USO1: variants seen among roughly 807,000 people sequenced by gnomAD.
USO1 encodes the protein general vesicular transport factor p115.
USO1 carries 57 observed loss-of-function variants against 124.5 expected under a neutral mutation model. That is an observed-to-expected ratio of 0.46 (90% CI 0.37 to 0.57). The LOEUF (loss-of-function observed/expected upper bound fraction) is 0.57. Among genes scored for constraint, USO1 ranks in the 20% least tolerant of loss-of-function variants. USO1 has a pLI of 0.00. For missense variants in USO1, 900 were observed against 1,040.6 expected (o/e 0.86, Z 1.86); for synonymous variants, 369 against 362.8 (o/e 1.02, Z -0.19).
intron 1 of USO1, among the ~76,000 whole-genome samples, chr4:75,731,561 CAAA>C (rs35766448): frequency 2.9e-5 from 4 of 138,212 alleles, no homozygotes; most frequent in Non-Finnish European, 1.6e-5. Context: ...GACTCCGTCT[CAAA>C]AAAAAAAAAA....
intron 1 of USO1, among the ~76,000 whole-genome samples, chr4:75,729,698 A>G (rs1345976853): frequency 6.6e-6 from 1 of 152,174 alleles, no homozygotes; most frequent in East Asian, 1.9e-4. Flanking sequence ...AGTGTTAACT[A>G]CATTTGATGA....
At chr4:75,732,358 C>T (rs1720655691) in intron 1 of USO1, among the ~76,000 whole-genome samples, 1 of 152,174 alleles carries the variant, frequency 6.6e-6, no homozygotes, top group Non-Finnish European at 1.5e-5. Context: ...TTCATGTCGA[C>T]ATAGTATTCC....
chr4:75,775,455 C>T (rs1434976453), intron 8 of USO1, among the ~76,000 whole-genome samples: 2 of 152,144 alleles, frequency 1.3e-5, no homozygotes, highest in East Asian at 3.9e-4. Context: ...ACGAGAATCA[C>T]TTGAACCCGG....
At chr4:75,762,915 G>A (rs562641146) in intron 4 of USO1, among the ~76,000 whole-genome samples, 9 of 152,334 alleles carry the variant, frequency 5.9e-5, no homozygotes, top group South Asian at 2.1e-4. Flanking sequence ...GCGACAGTGC[G>A]AGACTCCGTC....
At chr4:75,787,902 C>A (rs1722407839) in intron 10 of USO1, among the ~76,000 whole-genome samples, 1 of 151,908 alleles carries the variant, frequency 6.6e-6, no homozygotes, top group Non-Finnish European at 1.5e-5. Flanking sequence ...TTTTTCTCAT[C>A]CATGAGTTGT....
In USO1 at chr4:75,724,604, C is replaced by T; in HGVS notation, c.-216C>T. 1.8e-6 allele frequency: 1 copy of T among 567,380 alleles called. No homozygotes were observed. The highest frequency in any genetic ancestry group is 3.1e-6 in the Non-Finnish European group (1 of 318,266). 35.1% of individuals were successfully genotyped at this position (567,380 alleles called of 1,614,324 possible). ...CTTTTGCCTTCAACCTTCGAGCCGC[C>T]ACGTAATGCCACGTCCCCGCGCATG... On this transcript the variant is annotated 5_prime_UTR_variant, in exon 1 of 24. Transcript: ENST00000514213.
chr4:75,766,535 C>T (rs1021020971), intron 4 of USO1, among the ~76,000 whole-genome samples: 1 of 152,152 alleles, frequency 6.6e-6, no homozygotes, highest in Non-Finnish European at 1.5e-5. Context: ...TCTTAAACTG[C>T]ACGAGGAGGT....
intron 4 of USO1, among the ~76,000 whole-genome samples, chr4:75,762,453 C>T (rs1230911661): frequency 6.6e-6 from 1 of 151,656 alleles, no homozygotes; most frequent in Non-Finnish European, 1.5e-5. Flanking sequence ...TGAGCCACCA[C>T]GCCCAGCCAG....
In USO1 at chr4:75,770,848, T is replaced by G. The variant is rs745351069; in HGVS notation, c.423T>G (p.Pro141=). Residue 141 remains proline, a synonymous_variant, in exon 6 of 24, where the codon CCT becomes CCG. Transcript: ENST00000514213. Reference sequence around the variant, plus strand: ...AGTTTGATTTCCATGTCCGCTGGCCTGGTGTGAAGCTTCTTACTTCTCTTT... The same window carrying G: ...AGTTTGATTTCCATGTCCGCTGGCCGGGTGTGAAGCTTCTTACTTCTCTTT... ...LEEFDFHVRW[P]GVKLLTSLLK... 6.2e-7 allele frequency: 1 copy of G among 1,613,380 alleles called. No homozygotes were observed. Among genetic ancestry groups the G allele is most frequent in the Non-Finnish European group, 8.5e-7 (1 of 1,179,688 alleles).
intron 1 of USO1, chr4:75,745,437 TTCGCAACAGATAC>T: frequency 2.0e-6 from 1 of 492,042 alleles, no homozygotes; most frequent in Admixed American, 2.2e-5. Flanking sequence ...GTCCCTGTAG[TTCGCAACAGATAC>T]TCTGACTCAT....
At chr4:75,725,618 A>T (rs1053912219) in intron 1 of USO1, among the ~76,000 whole-genome samples, 16 of 30,966 alleles carry the variant, frequency 5.2e-4, no homozygotes, top group Admixed American at 1.4e-3. Context: ...GGCGTTATTT[A>T]AAAAAAAAAA....
rs1447752640 is a variant in USO1, at chr4:75,793,921, A to G, written c.1452+20A>G. 1 of 1,613,338 alleles carries G rather than the reference A, an allele frequency of 6.2e-7. No homozygotes were observed. The highest frequency in any genetic ancestry group is 8.5e-7 in the Non-Finnish European group (1 of 1,179,734). ...TCACAGGTAAAGTTTTGCATAAGGG[A>G]AAAAGTTCTATACATTTTGATGTCA... On this transcript the variant is annotated intron_variant, in intron 13 of 23. Transcript: ENST00000514213.
intron 1 of USO1, 77 bp downstream of exon 1, chr4:75,724,962 G>A (rs777772196): frequency 1.8e-5 from 28 of 1,523,508 alleles, no homozygotes; most frequent in Non-Finnish European, 2.4e-5. Flanking sequence ...AGACCCGAAG[G>A]TCACCTCCAG....
intron 12 of USO1, among the ~76,000 whole-genome samples, chr4:75,791,914 ATGT>A (rs986548618): frequency 2.6e-5 from 4 of 152,132 alleles, no homozygotes; most frequent in African/African-American, 9.7e-5. Context: ...TGTTTTAGAA[ATGT>A]TGTTTTTAAT....
intron 6 of USO1, 38 bp downstream of exon 6, chr4:75,770,962 G>A: frequency 6.3e-7 from 1 of 1,599,802 alleles, no homozygotes; most frequent in Non-Finnish European, 8.5e-7. Flanking sequence ...TTTGATTCAA[G>A]CATGAGTATC....
intron 9 of USO1, among the ~76,000 whole-genome samples, chr4:75,786,420 A>G (rs1722362291): frequency 6.6e-6 from 1 of 151,212 alleles, no homozygotes; most frequent in Admixed American, 6.7e-5. Context: ...TAGTTTTAAA[A>G]TGTGACACAC....
intron 3 of USO1, among the ~76,000 whole-genome samples, chr4:75,756,894 C>G (rs1349768840): frequency 6.6e-6 from 1 of 151,722 alleles, no homozygotes; most frequent in African/African-American, 2.4e-5. Flanking sequence ...AGTTACTTTT[C>G]TTTATATTTT....
intron 9 of USO1, among the ~76,000 whole-genome samples, chr4:75,786,700 C>T (rs1257377804): frequency 6.6e-6 from 1 of 152,144 alleles, no homozygotes; most frequent in Non-Finnish European, 1.5e-5. Context: ...TGCTCTCTTA[C>T]TAGGTAGTTC....
chr4:75,741,003 G>C (rs1720943898), intron 1 of USO1, among the ~76,000 whole-genome samples: 1 of 152,150 alleles, frequency 6.6e-6, no homozygotes, highest in Non-Finnish European at 1.5e-5. Context: ...TGGTAGCTCA[G>C]TGTCGGGGCT....
Sources: allele counts gnomAD v4.1 joint callset (sites outside exome capture counted in the v4.1 genomes callset), GRCh38; gene constraint gnomAD v4.1.1; transcripts MANE v1.5; gene names NCBI Gene and HGNC (gene_info 2026-07-23, HGNC 2026-07-21).